Variants in DDAH1 observed in about 807,000 individuals in gnomAD.
The protein encoded by DDAH1 is N(G),N(G)-dimethylarginine dimethylaminohydrolase 1.
A neutral mutation model predicts 28.8 loss-of-function variants in DDAH1; 19 were observed. That is an observed-to-expected ratio of 0.66 (90% CI 0.46 to 0.97). The LOEUF (loss-of-function observed/expected upper bound fraction) is 0.97, where lower values mean the gene tolerates loss of function less well. DDAH1 is among the 50% of genes least tolerant of loss of function. DDAH1 has a pLI of 0.00. For missense variants in DDAH1, 326 were observed against 375.9 expected (o/e 0.87, Z 1.10); for synonymous variants, 153 against 154.4 (o/e 0.99, Z 0.07).
intron 1 of DDAH1, among the ~76,000 whole-genome samples, chr1:85,548,482 T>C (rs1658692421): frequency 1.3e-5 from 2 of 152,192 alleles, no homozygotes; most frequent in Non-Finnish European, 2.9e-5. Context: ...CATGTACACA[T>C]GTGTAAGGGG....
chr1:85,550,750 C>A (rs12239815), intron 1 of DDAH1, among the ~76,000 whole-genome samples: 2,935 of 150,902 alleles, frequency 0.019, 85 homozygotes, highest in African/African-American at 0.066. Flanking sequence ...TAATAAAAAA[C>A]ACACACACAC....
intron 4 of DDAH1, among the ~76,000 whole-genome samples, chr1:85,331,747 G>T (rs1647780837): frequency 6.6e-6 from 1 of 152,160 alleles, no homozygotes; most frequent in Non-Finnish European, 1.5e-5. Context: ...CCTGAGAGGG[G>T]CTTTAAGATG....
chr1:85,350,572 C>T (rs756984125), intron 3 of DDAH1, 38 bp from the exon 4 acceptor site: 3 of 1,601,996 alleles, frequency 1.9e-6, no homozygotes, highest in East Asian at 4.5e-5. Flanking sequence ...TTTAGTATTG[C>T]AGAATAATTC....
At chr1:85,525,733 A>G (rs1453501220) in intron 1 of DDAH1, among the ~76,000 whole-genome samples, 1 of 152,110 alleles carries the variant, frequency 6.6e-6, no homozygotes, top group African/African-American at 2.4e-5. Context: ...CCATTCACCA[A>G]TGTGAACTAG....
At chr1:85,401,166 T>C (rs1371603744) in intron 1 of DDAH1, among the ~76,000 whole-genome samples, 1 of 152,230 alleles carries the variant, frequency 6.6e-6, no homozygotes, top group Non-Finnish European at 1.5e-5. Context: ...AATGTAGCTT[T>C]CATAATACAC....
intron 1 of DDAH1, among the ~76,000 whole-genome samples, chr1:85,413,958 T>A (rs1652772648): frequency 1.3e-5 from 2 of 152,262 alleles, no homozygotes; most frequent in African/African-American, 4.8e-5. Context: ...TTAGATATTG[T>A]TTAAAACAAC....
intron 1 of DDAH1, among the ~76,000 whole-genome samples, chr1:85,444,841 A>G (rs967970920): frequency 6.7e-6 from 1 of 149,854 alleles, no homozygotes; most frequent in Non-Finnish European, 1.5e-5. Context: ...AGGGTTCTCT[A>G]GAGGAACAGA....
chr1:85,517,818 T>C (rs1029460336), intron 1 of DDAH1, among the ~76,000 whole-genome samples: 1 of 152,118 alleles, frequency 6.6e-6, no homozygotes, highest in African/African-American at 2.4e-5. Flanking sequence ...TGCCATTACA[T>C]CCTGATGAGA....
intron 1 of DDAH1, among the ~76,000 whole-genome samples, chr1:85,497,565 G>A (rs1223037712): frequency 1.3e-5 from 2 of 152,096 alleles, no homozygotes; most frequent in Non-Finnish European, 2.9e-5. Flanking sequence ...TTCTGATCTT[G>A]CAAAATACAA....
chr1:85,509,312 G>A (rs998547728), intron 1 of DDAH1, among the ~76,000 whole-genome samples: 2 of 152,178 alleles, frequency 1.3e-5, no homozygotes, highest in East Asian at 1.9e-4. Flanking sequence ...CAACAAAAAG[G>A]TCATCTACAT....
intron 1 of DDAH1, among the ~76,000 whole-genome samples, chr1:85,426,706 G>C (rs551632541): frequency 9.2e-5 from 14 of 151,992 alleles, no homozygotes; most frequent in Admixed American, 2.0e-4. Flanking sequence ...CCAACAGTTC[G>C]AGACCAGCCT....
At chr1:85,553,594 G>A (rs1344964201) in intron 1 of DDAH1, among the ~76,000 whole-genome samples, 2 of 152,216 alleles carry the variant, frequency 1.3e-5, no homozygotes, top group Admixed American at 1.3e-4. Flanking sequence ...CAGGCAGACA[G>A]ACACAGGCCT....
chr1:85,378,409 T>A (rs750337817), intron 1 of DDAH1, among the ~76,000 whole-genome samples: 46 of 152,328 alleles, frequency 3.0e-4, no homozygotes, highest in African/African-American at 4.3e-4. Context: ...TTTTAATTTT[T>A]ATTTTTATTG....
chr1:85,378,851 A>G (rs1439101500), intron 1 of DDAH1, among the ~76,000 whole-genome samples: 2 of 152,254 alleles, frequency 1.3e-5, no homozygotes, highest in African/African-American at 4.8e-5. Flanking sequence ...GACACTGTAC[A>G]TTTATCTGAA....
At chr1:85,435,543 G>T (rs966829196) in intron 1 of DDAH1, among the ~76,000 whole-genome samples, 1 of 152,188 alleles carries the variant, frequency 6.6e-6, no homozygotes, top group Non-Finnish European at 1.5e-5. Flanking sequence ...AGTACAACAA[G>T]TAAATGTAGT....
intron 1 of DDAH1, among the ~76,000 whole-genome samples, chr1:85,502,124 C>T (rs1201942111): frequency 6.6e-6 from 1 of 152,240 alleles, no homozygotes; most frequent in South Asian, 2.1e-4. Flanking sequence ...CTGCTTCAGA[C>T]AGCACTTTGC....
At position 85,552,999 on chromosome 1, in the gene DDAH1, T is replaced by C. The variant is rs898754187; in HGVS notation, c.-123+24985A>G. 4.6e-5 allele frequency among the ~76,000 whole-genome samples: 7 copies of C among 152,238 alleles called. 1 individual carries two copies. The highest frequency in any genetic ancestry group is 4.6e-4 in the Admixed American group (7 of 15,286). On this transcript the variant is annotated intron_variant, in intron 1 of 6. Coordinates refer to the DDAH1 transcript ENST00000426972. ...GAGAAAAAAAAGAGGGCTTCCTCCT[T>C]GTTCTCTTGAAATTCTTGCTCTGAG...
At chr1:85,556,932 C>T (rs748424489) in intron 1 of DDAH1, among the ~76,000 whole-genome samples, 69 of 152,276 alleles carry the variant, frequency 4.5e-4, no homozygotes, top group Non-Finnish European at 7.8e-4. Flanking sequence ...GCCTGGCCAA[C>T]ATGGTGAAAT....
At chr1:85,457,839 G>A (rs1027906028) in intron 1 of DDAH1, among the ~76,000 whole-genome samples, 3 of 151,890 alleles carry the variant, frequency 2.0e-5, no homozygotes, top group African/African-American at 7.3e-5. Context: ...ACAGGCGCCT[G>A]CCAGCACGCC....
Sources: allele counts gnomAD v4.1 joint callset (sites outside exome capture counted in the v4.1 genomes callset), GRCh38; gene constraint gnomAD v4.1.1; transcripts MANE v1.5; gene names NCBI Gene and HGNC (gene_info 2026-07-23, HGNC 2026-07-21).